The following STK38 variants were observed in gnomAD, a reference collection of about 807,000 sequenced individuals.
STK38 encodes the protein serine/threonine kinase 38.
A neutral mutation model predicts 59.0 loss-of-function variants in STK38; 26 were observed. The ratio of observed to expected loss-of-function variants is 0.44; its 90% CI spans 0.32 to 0.61. The LOEUF is 0.61. Ranked by LOEUF, STK38 falls within the 20% of genes least tolerant of loss-of-function variation. The pLI, the probability that STK38 is intolerant of heterozygous loss-of-function variation, is 0.04. For missense variants in STK38, 433 were observed against 566.0 expected (o/e 0.76, Z 2.38); for synonymous variants, 175 against 176.6 (o/e 0.99, Z 0.07).
At chr6:36,508,664 C>T (rs577109891) in intron 7 of STK38, among the ~76,000 whole-genome samples, 8 of 152,356 alleles carry the variant, frequency 5.3e-5, no homozygotes, top group East Asian at 1.9e-4. Flanking sequence ...GGGCTCATTC[C>T]GCCCACTCAG....
chr6:36,530,939 C>G (rs1022571940), intron 2 of STK38, among the ~76,000 whole-genome samples: 4 of 152,126 alleles, frequency 2.6e-5, no homozygotes, highest in African/African-American at 9.7e-5. Context: ...ATCCACCCAC[C>G]TCGGCCTCCC....
At chr6:36,506,369 C>T (rs997756583) in intron 9 of STK38, among the ~76,000 whole-genome samples, 3 of 152,134 alleles carry the variant, frequency 2.0e-5, no homozygotes, top group African/African-American at 7.2e-5. Context: ...AGGTCGCCCA[C>T]GGAAAATGTC....
chr6:36,534,300 T>C (rs1413157759), intron 2 of STK38, among the ~76,000 whole-genome samples: 1 of 151,442 alleles, frequency 6.6e-6, no homozygotes, highest in Non-Finnish European at 1.5e-5. Context: ...AAAATAATAA[T>C]AAAAAGAAAA....
rs1281211037 is a variant in STK38, at chr6:36,547,401, AGC to A, written c.-219_-218del. ...CGTTCCAACTGCCGGAAAAGACGCG[AGC>A]GCTGAGGGGCCAAGGCAGCCCGGTC... On this transcript the variant is annotated 5_prime_UTR_variant, in exon 1 of 14. Transcript: ENST00000229812. 6.6e-6 allele frequency: 1 copy of A among 152,326 alleles called. No homozygotes were observed. The highest frequency in any genetic ancestry group is 2.4e-5 in the African/African-American group (1 of 41,464). The allele number at this position is 152,326 out of a possible 1,614,324, so 9.4% of individuals were successfully genotyped here.
chr6:36,524,561 T>A, intron 3 of STK38, 98 bp from the exon 4 acceptor site: 2 of 1,267,646 alleles, frequency 1.6e-6, no homozygotes, highest in Non-Finnish European at 2.2e-6. Context: ...AGAAAACAGG[T>A]CCAAGTGGAC....
At chr6:36,521,966 C>T in intron 4 of STK38, 149 bp from the exon 5 acceptor site, 1 of 596,838 alleles carries the variant, frequency 1.7e-6, no homozygotes, top group African/African-American at 1.9e-5. Context: ...AAATGCTTTT[C>T]AGTGTTCCAA....
intron 6 of STK38, among the ~76,000 whole-genome samples, chr6:36,516,017 G>A (rs948149117): frequency 1.3e-5 from 2 of 152,064 alleles, no homozygotes; most frequent in Non-Finnish European, 2.9e-5. Flanking sequence ...GAAGGACTTG[G>A]GTAGCAAAGC....
At chr6:36,520,542 C>A (rs926881740) in intron 5 of STK38, among the ~76,000 whole-genome samples, 2 of 152,136 alleles carry the variant, frequency 1.3e-5, no homozygotes, top group Admixed American at 1.3e-4. Flanking sequence ...GAGATGCAAA[C>A]ATACTAATTA....
chr6:36,546,694 G>T (rs1457427985), intron 1 of STK38, among the ~76,000 whole-genome samples: 1 of 152,100 alleles, frequency 6.6e-6, no homozygotes, highest in Admixed American at 6.6e-5. Context: ...CCTGTGATTT[G>T]AAGCTTATCT....
In STK38 at chr6:36,495,580, G is replaced by A. The variant is rs1776681447; in HGVS notation, c.*204C>T. The stretch of plus-strand genomic sequence containing the variant: ...CAAAGCAGGATAGCTGTTTATGGCC[G>A]ACGTAGTAGAAATGGTTGTCTTTGT... On this transcript the variant is annotated 3_prime_UTR_variant, in exon 14 of 14. Coordinates refer to ENST00000229812, the MANE Select transcript of STK38 (RefSeq NM_007271.4). 6 of 553,204 alleles carry A rather than the reference G, an allele frequency of 1.1e-5. No homozygotes were observed. Among genetic ancestry groups the A allele is most frequent in the East Asian group, 3.6e-5 (1 of 27,618 alleles). The allele number at this position is 553,204 out of a possible 1,614,324, so 34.3% of individuals were successfully genotyped here.
chr6:36,498,582 C>CTTTTTTTTT (rs1219622406), intron 10 of STK38, 96 bp from the exon 11 acceptor site: 55 of 1,039,152 alleles, frequency 5.3e-5, no homozygotes, highest in South Asian at 2.9e-4. Flanking sequence ...CTTTTTTTTT[C>CTTTTTTTTT]TTTTTTCTTT....
intron 4 of STK38, among the ~76,000 whole-genome samples, chr6:36,523,234 A>G (rs80033272): frequency 7.7e-4 from 116 of 150,738 alleles, no homozygotes; most frequent in African/African-American, 2.1e-3. Context: ...TCTGAATACT[A>G]TTCACATTTC....
At chr6:36,524,541 T>C in intron 3 of STK38, 78 bp from the exon 4 acceptor site, 1 of 1,466,624 alleles carries the variant, frequency 6.8e-7, no homozygotes, top group Non-Finnish European at 9.1e-7. Flanking sequence ...TGTTTGTGAC[T>C]TACCCAGCTA....
intron 7 of STK38, among the ~76,000 whole-genome samples, chr6:36,509,795 T>G (rs1414873345): frequency 2.0e-5 from 3 of 152,126 alleles, no homozygotes; most frequent in African/African-American, 7.2e-5. Context: ...TCGGAGTCCA[T>G]TTTTTTCATC....
chr6:36,504,873 T>C (rs566516464), intron 9 of STK38, among the ~76,000 whole-genome samples: 1 of 92,554 alleles, frequency 1.1e-5, no homozygotes, highest in East Asian at 2.9e-4. Context: ...GTCAGCACAG[T>C]AGCCAAAGGT....
At chr6:36,545,529 C>T (rs1421146393) in intron 1 of STK38, among the ~76,000 whole-genome samples, 4 of 152,070 alleles carry the variant, frequency 2.6e-5, no homozygotes, top group Non-Finnish European at 5.9e-5. Flanking sequence ...CTCTCCTTCC[C>T]TTTGACCTTT....
intron 7 of STK38, among the ~76,000 whole-genome samples, chr6:36,507,937 T>C (rs1777006947): frequency 1.4e-5 from 2 of 146,998 alleles, no homozygotes. Flanking sequence ...AGAATTTTTT[T>C]TTTTTTTTTT....
chr6:36,507,862 T>C (rs1045084615), intron 7 of STK38, among the ~76,000 whole-genome samples: 2 of 152,052 alleles, frequency 1.3e-5, no homozygotes, highest in African/African-American at 4.8e-5. Context: ...GACCCCTCCA[T>C]AGCATCTAGA....
At chr6:36,520,194 G>A (rs926836589) in intron 5 of STK38, among the ~76,000 whole-genome samples, 2 of 152,104 alleles carry the variant, frequency 1.3e-5, no homozygotes, top group African/African-American at 2.4e-5. Context: ...TCTCAGCTAA[G>A]GTGAGCTAAA....
Sources: allele counts gnomAD v4.1 joint callset (sites outside exome capture counted in the v4.1 genomes callset), GRCh38; gene constraint gnomAD v4.1.1; transcripts MANE v1.5; gene names NCBI Gene and HGNC (gene_info 2026-07-23, HGNC 2026-07-21).